The following SLC24A2 variants were observed in gnomAD, a reference collection of about 807,000 sequenced individuals.
The protein encoded by SLC24A2 is solute carrier family 24 member 2, also known as sodium/potassium/calcium exchanger 2.
In SLC24A2, 36 loss-of-function variants were observed where a neutral mutation model predicts 62.0. The observed-to-expected ratio is 0.58, with a 90% confidence interval of 0.44 to 0.77. The LOEUF (loss-of-function observed/expected upper bound fraction) is 0.77. SLC24A2 is among the 30% of genes least tolerant of loss of function. The pLI, the probability that SLC24A2 is intolerant of heterozygous loss-of-function variation, is 0.00. For synonymous variants in SLC24A2, 358 were observed against 294.0 expected, an observed-to-expected ratio of 1.22 and a Z score of -2.23; for missense variants, 846 against 817.9, an observed-to-expected ratio of 1.03 and a Z score of -0.42.
chr9:20,030,192 A>G, the SLC24A2 span, among the ~76,000 whole-genome samples: 10 of 152,200 alleles, frequency 6.6e-5, no homozygotes, highest in African/African-American at 2.4e-4. Flanking sequence ...ACATTGAGTG[A>G]CTTGGCAATG....
the SLC24A2 span, among the ~76,000 whole-genome samples, chr9:20,093,676 G>A: frequency 6.6e-6 from 1 of 152,116 alleles, no homozygotes. Flanking sequence ...CGGAACAATG[G>A]TTCTAAAAGT....
chr9:20,161,859 T>C, the SLC24A2 span, among the ~76,000 whole-genome samples: 70 of 151,544 alleles, frequency 4.6e-4, 1 homozygote, highest in African/African-American at 1.6e-3. Context: ...ACATTCCCAA[T>C]AGGAGTTGGG....
the SLC24A2 span, among the ~76,000 whole-genome samples, chr9:20,300,999 A>G: frequency 6.6e-6 from 1 of 152,204 alleles, no homozygotes; most frequent in African/African-American, 2.4e-5. Context: ...TTGAGTAAAA[A>G]GAGTCCCAGG....
the SLC24A2 span, among the ~76,000 whole-genome samples, chr9:19,904,903 T>C: frequency 6.6e-6 from 1 of 152,192 alleles, no homozygotes; most frequent in Admixed American, 6.5e-5. Flanking sequence ...GGCAGGACTC[T>C]ATTTACTTAA....
chr9:19,724,137 GA>G (rs1233865544), intron 2 of SLC24A2, among the ~76,000 whole-genome samples: 5 of 152,168 alleles, frequency 3.3e-5, no homozygotes, highest in African/African-American at 7.2e-5. Flanking sequence ...ACCTGGGACA[GA>G]ATGTTAATGC....
chr9:20,302,482 G>T, the SLC24A2 span, among the ~76,000 whole-genome samples: 1 of 152,154 alleles, frequency 6.6e-6, no homozygotes, highest in Non-Finnish European at 1.5e-5. Context: ...TAATGACAGT[G>T]ATGTGGAACT....
chr9:20,207,595 C>T, the SLC24A2 span, among the ~76,000 whole-genome samples: 2 of 152,230 alleles, frequency 1.3e-5, no homozygotes, highest in Non-Finnish European at 2.9e-5. Flanking sequence ...CCTTTCTAGA[C>T]TGTCTCACAC....
chr9:20,139,255 C>T, the SLC24A2 span, among the ~76,000 whole-genome samples: 1 of 152,254 alleles, frequency 6.6e-6, no homozygotes, highest in African/African-American at 2.4e-5. Context: ...CTCTGGAGGC[C>T]GACTGCCTGT....
chr9:19,909,665 G>C, the SLC24A2 span, among the ~76,000 whole-genome samples: 9 of 152,174 alleles, frequency 5.9e-5, no homozygotes, highest in African/African-American at 2.2e-4. Context: ...TCTTTCTCTG[G>C]TGATTAGAGT....
the SLC24A2 span, among the ~76,000 whole-genome samples, chr9:20,213,220 T>G: frequency 6.6e-6 from 1 of 151,898 alleles, no homozygotes; most frequent in East Asian, 1.9e-4. Flanking sequence ...CATTTGGAAG[T>G]TTTAAAACAC....
intron 2 of SLC24A2, among the ~76,000 whole-genome samples, chr9:19,713,444 C>G (rs558246865): frequency 3.3e-5 from 5 of 151,958 alleles, no homozygotes. Flanking sequence ...GCTTTGAATG[C>G]GAAAATAAAT....
the SLC24A2 span, among the ~76,000 whole-genome samples, chr9:19,857,758 T>G: frequency 1.3e-5 from 2 of 152,010 alleles, no homozygotes; most frequent in African/African-American, 4.8e-5. Context: ...TTTTTTTTTT[T>G]TTGGTGTGCA....
intron 2 of SLC24A2, among the ~76,000 whole-genome samples, chr9:19,751,688 C>T (rs1318765780): frequency 6.6e-6 from 1 of 152,158 alleles, no homozygotes; most frequent in East Asian, 1.9e-4. Flanking sequence ...TCCCACCAAG[C>T]ATGAGACTTG....
the SLC24A2 span, among the ~76,000 whole-genome samples, chr9:20,008,147 C>A: frequency 6.6e-6 from 1 of 151,944 alleles, no homozygotes; most frequent in Non-Finnish European, 1.5e-5. Flanking sequence ...CCACCCACCT[C>A]AGCCTCCCAA....
At chr9:19,826,944 T>C in the SLC24A2 span, among the ~76,000 whole-genome samples, 7 of 152,256 alleles carry the variant, frequency 4.6e-5, no homozygotes, top group East Asian at 1.4e-3. Flanking sequence ...CCTTACTGTA[T>C]CTTCTCCTTT....
At chr9:19,990,941 G>GTATTATATATA in the SLC24A2 span, among the ~76,000 whole-genome samples, 1 of 40,222 alleles carries the variant, frequency 2.5e-5, no homozygotes, top group Admixed American at 2.1e-4. Context: ...ATATATGTAT[G>GTATTATATATA]TATATGTATG....
chr9:19,575,576 G>C (rs12341856), intron 6 of SLC24A2, among the ~76,000 whole-genome samples: 2 of 152,094 alleles, frequency 1.3e-5, no homozygotes, highest in African/African-American at 4.8e-5. Flanking sequence ...ACTTTGAAAA[G>C]CATTAGCTAG....
intron 2 of SLC24A2, among the ~76,000 whole-genome samples, chr9:19,667,274 A>G (rs1356099080): frequency 6.6e-6 from 1 of 152,172 alleles, no homozygotes; most frequent in Non-Finnish European, 1.5e-5. Flanking sequence ...TCTCAAAATA[A>G]AAAGTATTCG....
intron 2 of SLC24A2, among the ~76,000 whole-genome samples, chr9:19,629,894 A>G (rs1818134433): frequency 2.0e-5 from 3 of 152,206 alleles, no homozygotes; most frequent in Admixed American, 2.0e-4. Context: ...TGAATAAAGA[A>G]AATTCATTCA....
Sources: allele counts gnomAD v4.1 joint callset (sites outside exome capture counted in the v4.1 genomes callset), GRCh38; gene constraint gnomAD v4.1.1; transcripts MANE v1.5; gene names NCBI Gene and HGNC (gene_info 2026-07-23, HGNC 2026-07-21).